The following MADCAM1 variants were observed in gnomAD, a reference collection of about 807,000 sequenced individuals.
The protein encoded by MADCAM1 is mucosal addressin cell adhesion molecule 1.
In MADCAM1, 19 loss-of-function variants were observed where a neutral mutation model predicts 26.1. That is an observed-to-expected ratio of 0.73 (90% CI 0.51 to 1.07). The LOEUF is 1.07. Among genes scored for constraint, MADCAM1 ranks in the 50% least tolerant of loss-of-function variants. MADCAM1 has a pLI of 0.00. For synonymous variants in MADCAM1, 268 were observed against 260.9 expected (o/e 1.03, Z -0.26); for missense variants, 514 against 542.1 (o/e 0.95, Z 0.51).
chr19:503,770 C>T (rs548648473), intron 4 of MADCAM1, among the ~76,000 whole-genome samples: 1 of 151,744 alleles, frequency 6.6e-6, no homozygotes, highest in Admixed American at 6.6e-5. Context: ...AAGTGTTGGC[C>T]AGACACGGTG....
Position 498,660 on chromosome 19 carries a change from G to A in MADCAM1, c.502G>A (p.Val168Met). ...LEGAQALGPEVQEEEEEPQGD... is the reference protein window; with the variant it reads ...LEGAQALGPEMQEEEEEPQGD... ...GGGGGCGCAAGCCCTGGGCCCGGAG[G>A]TGCAGGAGGAGGAGGAGGAGCCCCA... Residue 168 changes from valine to methionine, a missense_variant, in exon 3 of 5, where the codon GTG becomes ATG. Physicochemically the swap from Val to Met is conservative, Grantham distance 21. This residue lies in a region of MADCAM1 where 317 missense variants were observed against 313.6 expected (regional missense o/e 1.01). Transcript: ENST00000215637. 2 of 1,461,088 alleles carry A rather than the reference G, an allele frequency of 1.4e-6. No individual in the cohort carries two copies. Among genetic ancestry groups the A allele is most frequent in the African/African-American group, 1.4e-5 (1 of 69,342 alleles). The allele number at this position is 1,461,088 out of a possible 1,614,324, so 90.5% of individuals were successfully genotyped here.
At chr19:500,635 C>T (rs1301241187) in intron 3 of MADCAM1, among the ~76,000 whole-genome samples, 2 of 152,124 alleles carry the variant, frequency 1.3e-5, no homozygotes, top group African/African-American at 4.8e-5. Flanking sequence ...CTTTGGGAAG[C>T]TGAGGTGGGT....
At chr19:500,956 G>A (rs1978319710) in intron 3 of MADCAM1, among the ~76,000 whole-genome samples, 2 of 152,310 alleles carry the variant, frequency 1.3e-5, no homozygotes, top group African/African-American at 4.8e-5. Flanking sequence ...GGAGGCTGAG[G>A]CGGGAGGATC....
chr19:502,603 A>C (rs1385603388), intron 4 of MADCAM1, among the ~76,000 whole-genome samples: 1 of 152,056 alleles, frequency 6.6e-6, no homozygotes, highest in Non-Finnish European at 1.5e-5. Flanking sequence ...CACCCGGCCC[A>C]CATAGGTAAT....
At chr19:503,386 C>A (rs569282458) in intron 4 of MADCAM1, among the ~76,000 whole-genome samples, 2 of 150,182 alleles carry the variant, frequency 1.3e-5, no homozygotes, top group Non-Finnish European at 3.0e-5. Context: ...TCGAGACCAT[C>A]CTGGCTAACA....
intron 2 of MADCAM1, 47 bp downstream of exon 2, chr19:498,164 G>A: frequency 7.7e-7 from 1 of 1,297,252 alleles, no homozygotes; most frequent in Non-Finnish European, 9.8e-7. Flanking sequence ...TGGACTCCCG[G>A]CTCCTTCCCT....
chr19:501,590 A>G, intron 3 of MADCAM1, 79 bp from the exon 4 acceptor site: 1 of 1,491,888 alleles, frequency 6.7e-7, no homozygotes, highest in Non-Finnish European at 9.0e-7. Context: ...CAAGCCCTTC[A>G]TCCAGATGCG....
intron 4 of MADCAM1, among the ~76,000 whole-genome samples, chr19:503,398 G>C (rs545503561): frequency 1.3e-5 from 2 of 151,492 alleles, no homozygotes; most frequent in Non-Finnish European, 2.9e-5. Context: ...TGGCTAACAC[G>C]GTGAAACCCC....
intron 3 of MADCAM1, chr19:501,417 G>A (rs543478327): frequency 5.6e-5 from 20 of 359,734 alleles, no homozygotes; most frequent in South Asian, 3.8e-4. Flanking sequence ...CCTGAGGAGC[G>A]GAGGTTGTGG....
intron 4 of MADCAM1, among the ~76,000 whole-genome samples, chr19:503,527 G>A (rs2392800): frequency 0.24 from 34,791 of 146,840 alleles, 4,288 homozygotes; most frequent in East Asian, 0.29. Flanking sequence ...CCTGCAGTGA[G>A]CCGAGATCGC....
At chr19:497,413 A>G (rs2145816384) in intron 1 of MADCAM1, among the ~76,000 whole-genome samples, 1 of 50,398 alleles carries the variant, frequency 2.0e-5, no homozygotes, top group Non-Finnish European at 3.7e-5. Context: ...GGAGGGAGTT[A>G]AGAGGGGGCG....
chr19:498,014 C>T lies in MADCAM1; in HGVS notation c.234C>T (p.Val78=), dbSNP rs929064323. 2.0e-6 allele frequency: 3 copies of T among 1,504,356 alleles called. No individual in the cohort carries two copies. Among genetic ancestry groups the T allele is most frequent in the Non-Finnish European group, 2.6e-6 (3 of 1,132,518 alleles). 93.2% of individuals were successfully genotyped at this position (1,504,356 alleles called of 1,614,324 possible). Residue 78 remains valine (V), a synonymous_variant, in exon 2 of 5, where the codon GTC becomes GTT. Coordinates refer to ENST00000215637, the MANE Select transcript of MADCAM1 (RefSeq NM_130760.3). The part of the protein sequence containing the change: ...GAVQSDTGRS[V]LTVRNASLSA... ...TGCAGTCGGACACGGGCCGCAGCGT[C>T]CTCACCGTGCGCAACGCCTCGCTGT...
intron 3 of MADCAM1, 116 bp downstream of exon 3, chr19:498,941 G>A (rs992349749): frequency 9.6e-6 from 13 of 1,350,430 alleles, no homozygotes; most frequent in Middle Eastern, 1.9e-4. Flanking sequence ...GGGAGGACTG[G>A]ATTCCCCCAC....
chr19:503,310 G>C (rs538083000), intron 4 of MADCAM1, among the ~76,000 whole-genome samples: 3 of 147,724 alleles, frequency 2.0e-5, no homozygotes, highest in Non-Finnish European at 4.5e-5. Context: ...GGCCGGGCAC[G>C]GTGGCTTATG....
At chr19:501,647 A>G (rs1352728086) in intron 3 of MADCAM1, 22 bp from the exon 4 acceptor site, 7 of 1,563,936 alleles carry the variant, frequency 4.5e-6, no homozygotes, top group Non-Finnish European at 5.2e-6. Context: ...AGAGGAAAAA[A>G]AAACCCTCAC....
chr19:502,016 CCTGCCCAGCCTTGGTTTCCCCGT>C lies in MADCAM1; in HGVS notation c.928+99_928+121del. ...ATGAAGACTTTAGACAAGAAATTGC[CCTGCCCAGCCTTGGTTTCCCCGT>C]CTGCCCAGCCTCAGTTTCCCCGTCT... is the stretch of plus-strand genomic sequence containing the variant. On this transcript the variant is annotated intron_variant, in intron 4 of 4. Transcript: ENST00000215637. 5.3e-6 allele frequency: 7 copies of C among 1,325,352 alleles called. No homozygotes were observed. The Admixed American group carries it at 9.5e-5, about 18-fold the overall frequency. The allele number at this position is 1,325,352 out of a possible 1,614,324, so 82.1% of individuals were successfully genotyped here.
intron 4 of MADCAM1, among the ~76,000 whole-genome samples, chr19:502,859 T>G (rs1022285155): frequency 1.3e-5 from 2 of 152,228 alleles, no homozygotes; most frequent in Admixed American, 6.5e-5. Context: ...ATACCCAGTT[T>G]GCTAACAACC....
intron 4 of MADCAM1, among the ~76,000 whole-genome samples, chr19:504,401 T>C (rs1285873669): frequency 1.4e-4 from 21 of 151,804 alleles, no homozygotes. Flanking sequence ...GTAGCTGGGA[T>C]TACAGGCGCC....
chr19:496,593 A>T (rs1252861161), intron 1 of MADCAM1, 42 bp downstream of exon 1: 3 of 859,874 alleles, frequency 3.5e-6, no homozygotes, highest in Non-Finnish European at 4.2e-6. Context: ...GTGAGTTAGG[A>T]GGGGGCTCAG....
Sources: gnomAD v4.1 joint callset for allele counts (sites outside exome capture counted in the v4.1 genomes callset) on GRCh38, gnomAD v4.1.1 for gene constraint, gnomAD v4.1.1 regional missense constraint, MANE v1.5 for transcripts, NCBI Gene and HGNC (gene_info 2026-07-23, HGNC 2026-07-21) for gene names.